CLN8: variants seen among roughly 807,000 people sequenced by gnomAD.
CLN8 encodes the protein protein CLN8.
CLN8 carries 14 observed loss-of-function variants against 15.7 expected under a neutral mutation model. The observed-to-expected ratio is 0.89, with a 90% CI of 0.59 to 1.39. The LOEUF (loss-of-function observed/expected upper bound fraction) is 1.39. CLN8 is among the 40% of genes most tolerant of loss of function. The pLI, the probability that CLN8 is intolerant of heterozygous loss-of-function variation, is 0.00. For synonymous variants in CLN8, 188 were observed against 151.0 expected, an observed-to-expected ratio of 1.25 and a Z score of -1.80; for missense variants, 415 against 364.0, an observed-to-expected ratio of 1.14 and a Z score of -1.14.
rs185986372 is a variant in CLN8 at position 1,778,481 on chromosome 8, T to G, written c.544-1769T>G. ...CAGGCTTGTTTTGGATCCTGCTTCC[T>G]CTGCTCTTCTTCCTGAGTGTTCACT... On this transcript the variant is annotated intron_variant, in intron 2 of 2. Transcript: ENST00000331222. Among the ~76,000 whole-genome samples, 68 of 152,370 alleles carry G rather than the reference T, an allele frequency of 4.5e-4. No homozygotes were observed. The East Asian group carries it at 0.013, about 29-fold the overall frequency.
chr8:1,770,329 G>A (rs1801248590), intron 1 of CLN8, among the ~76,000 whole-genome samples: 1 of 152,174 alleles, frequency 6.6e-6, no homozygotes, highest in African/African-American at 2.4e-5. Context: ...GAAGGTTATA[G>A]CATGGAGTGA....
At chr8:1,757,630 A>C (rs745391701) in intron 1 of CLN8, among the ~76,000 whole-genome samples, 1 of 152,060 alleles carries the variant, frequency 6.6e-6, no homozygotes, top group African/African-American at 2.4e-5. Context: ...TAGTAGAGAC[A>C]AGGTTTCACT....
rs1433372028 is a variant in CLN8 at position 1,782,892 on chromosome 8, C to T, written c.*2325C>T. On this transcript the variant is annotated 3_prime_UTR_variant, in exon 3 of 3. Coordinates refer to ENST00000331222, the MANE Select transcript of CLN8 (RefSeq NM_018941.4). Reference sequence around the variant, plus strand: ...CTTCCCAGGGGTCCACACTTTACCTCCTGTATCTTCATACGCGTGTGTGGA... The same window carrying T: ...CTTCCCAGGGGTCCACACTTTACCTTCTGTATCTTCATACGCGTGTGTGGA... 2 of 152,242 alleles carry T rather than the reference C, an allele frequency of 1.3e-5. No homozygotes were observed. The highest frequency in any genetic ancestry group is 1.3e-4 in the Admixed American group (2 of 15,288). 9.4% of individuals were successfully genotyped at this position (152,242 alleles called of 1,614,324 possible).
chr8:1,765,776 G>A (rs1801027176), intron 1 of CLN8, among the ~76,000 whole-genome samples: 1 of 152,190 alleles, frequency 6.6e-6, no homozygotes, highest in African/African-American at 2.4e-5. Context: ...TCTTCTTGAT[G>A]GAAAGGAGAA....
chr8:1,767,565 C>CTTTTTTTTTTTTTT (rs1156569423), intron 1 of CLN8, among the ~76,000 whole-genome samples: 1 of 81,310 alleles, frequency 1.2e-5, no homozygotes, highest in Non-Finnish European at 2.1e-5. Context: ...ATGTTTCTTT[C>CTTTTTTTTTTTTTT]TTTTTTTTTT....
At chr8:1,767,565 C>CTTTTTTTTTTTTTTTT (rs1156569423) in intron 1 of CLN8, among the ~76,000 whole-genome samples, 8 of 81,326 alleles carry the variant, frequency 9.8e-5, no homozygotes, top group Non-Finnish European at 1.3e-4. Flanking sequence ...ATGTTTCTTT[C>CTTTTTTTTTTTTTTTT]TTTTTTTTTT....
chr8:1,758,714 G>C (rs1800726281), intron 1 of CLN8: 1 of 152,198 alleles, frequency 6.6e-6, no homozygotes, highest in African/African-American at 2.4e-5. Flanking sequence ...GTCACAGATG[G>C]ATTCAACGAT....
intron 2 of CLN8, among the ~76,000 whole-genome samples, chr8:1,775,953 G>T (rs1478749681): frequency 6.6e-6 from 1 of 152,102 alleles, no homozygotes; most frequent in Non-Finnish European, 1.5e-5. Context: ...TATGCATGTG[G>T]TGCGGCACAC....
rs766292710 is a variant in CLN8, at chr8:1,780,502, G to A, written c.796G>A (p.Ala266Thr). ...TCTCAATCCGGTGGACTGGAACTTC[G>A]CACAGCCAGAAGCCAAGAGCAGGCC... ...QLLNPVDWNF[A>T]QPEAKSRPEG... Residue 266 changes from alanine (A) to threonine (T), a missense_variant, in exon 3 of 3, where the codon GCA becomes ACA. Ala to Thr is a moderately conservative substitution (Grantham distance 58). Coordinates refer to ENST00000331222, the MANE Select transcript of CLN8 (RefSeq NM_018941.4). 55 of 1,614,054 alleles carry A rather than the reference G, an allele frequency of 3.4e-5. No individual in the cohort carries two copies. The East Asian group carries it at 6.9e-4, about 20-fold the overall frequency.
chr8:1,757,090 G>A (rs544039272), intron 1 of CLN8, among the ~76,000 whole-genome samples: 2 of 152,284 alleles, frequency 1.3e-5, no homozygotes, highest in Admixed American at 1.3e-4. Flanking sequence ...TTGGGGCAGC[G>A]GAAAGTCCAC....
rs546107642 is a variant in CLN8 at position 1,783,811 on chromosome 8, G to A, written c.*3244G>A. 35 of 152,348 alleles carry A rather than the reference G, an allele frequency of 2.3e-4. No homozygotes were observed. Among genetic ancestry groups the A allele is most frequent in the African/African-American group, 7.9e-4 (33 of 41,580 alleles). 9.4% of individuals were successfully genotyped at this position (152,348 alleles called of 1,614,324 possible). A position where few individuals can be genotyped will look rare whatever the true frequency, so the allele number is the denominator to read the frequency against. On this transcript the variant is annotated 3_prime_UTR_variant, in exon 3 of 3. Coordinates refer to ENST00000331222, the MANE Select transcript of CLN8 (RefSeq NM_018941.4). ...GATTCCACTTCTGTCGAGGAGCTTC[G>A]GGGCTCAGAGAGGTGATGACGTGCC... is the stretch of plus-strand genomic sequence containing the variant.
intron 1 of CLN8, among the ~76,000 whole-genome samples, chr8:1,765,516 A>G (rs1343298209): frequency 6.6e-6 from 1 of 152,246 alleles, no homozygotes; most frequent in Non-Finnish European, 1.5e-5. Flanking sequence ...ACATTTTTAC[A>G]ACCCATCAAT....
chr8:1,774,682 A>G (rs1801444924), intron 2 of CLN8, among the ~76,000 whole-genome samples: 1 of 152,228 alleles, frequency 6.6e-6, no homozygotes, highest in Admixed American at 6.5e-5. Flanking sequence ...AGTTCATAAT[A>G]CAAATGAGGT....
rs2129016041 is a variant in CLN8 at position 1,783,470 on chromosome 8, C to A, written c.*2903C>A. On this transcript the variant is annotated 3_prime_UTR_variant, in exon 3 of 3. Transcript: ENST00000331222. ...CTCTCCAGCTTGGCTTCAGTGTGAT[C>A]ACTTGTCAGTGCGCTTTCTCTTTCG... The A allele has an allele frequency of 6.6e-6, 1 of 152,366 alleles. No individual in the cohort carries two copies. The highest frequency in any genetic ancestry group is 2.1e-4 in the South Asian group (1 of 4,826). The allele number at this position is 152,366 out of a possible 1,614,324, so 9.4% of individuals were successfully genotyped here.
chr8:1,773,045 C>G, intron 2 of CLN8: 1 of 398,058 alleles, frequency 2.5e-6, no homozygotes. Flanking sequence ...ACAGACTGTT[C>G]ATGCATAACC....
chr8:1,776,591 G>A (rs931004736), intron 2 of CLN8, among the ~76,000 whole-genome samples: 1 of 152,254 alleles, frequency 6.6e-6, no homozygotes, highest in Non-Finnish European at 1.5e-5. Flanking sequence ...GTGTAGCGAT[G>A]CTGCAGTCCA....
chr8:1,761,012 C>CTT (rs61327257), upstream of CLN8, among the ~76,000 whole-genome samples: 839 of 67,554 alleles, frequency 0.012, 7 homozygotes, highest in East Asian at 0.019. Flanking sequence ...CTATAGCCAT[C>CTT]TTTTTTTTTT....
rs1053912250 is a variant in CLN8, at chr8:1,783,363, C to T, written c.*2796C>T. 2 of 152,198 alleles carry T rather than the reference C, an allele frequency of 1.3e-5. No individual in the cohort carries two copies. Among genetic ancestry groups the T allele is most frequent in the East Asian group, 1.9e-4 (1 of 5,194 alleles). The allele number at this position is 152,198 out of a possible 1,614,324, so 9.4% of individuals were successfully genotyped here. A position where few individuals can be genotyped will look rare whatever the true frequency, so the allele number is the denominator to read the frequency against. ...TTCTGGAACTGCTTGAAAACTAGGA[C>T]GATTGGGCAATATCGGCCTTAACTC... On this transcript the variant is annotated 3_prime_UTR_variant, in exon 3 of 3. Transcript: ENST00000331222.
upstream of CLN8, among the ~76,000 whole-genome samples, chr8:1,755,399 A>T: frequency 6.6e-6 from 1 of 152,028 alleles, no homozygotes; most frequent in Non-Finnish European, 1.5e-5. Context: ...ACTGGCATGG[A>T]GCTGTAGTCT....
Sources: allele counts gnomAD v4.1 joint callset (sites outside exome capture counted in the v4.1 genomes callset), GRCh38; gene constraint gnomAD v4.1.1; transcripts MANE v1.5; gene names NCBI Gene and HGNC (gene_info 2026-07-23, HGNC 2026-07-21).